Variants in SNRPD3 observed in about 807,000 individuals in gnomAD.
The protein encoded by SNRPD3 is small nuclear ribonucleoprotein Sm D3.
For synonymous variants in SNRPD3, 66 were observed against 58.4 expected, an observed-to-expected ratio of 1.13 and a Z score of -0.59; for missense variants, 73 against 167.5, an observed-to-expected ratio of 0.44 and a Z score of 3.11.
chr22:24,559,691 A>G (rs1415743945), intron 2 of SNRPD3, among the ~76,000 whole-genome samples: 1 of 152,056 alleles, frequency 6.6e-6, no homozygotes, highest in Non-Finnish European at 1.5e-5. Flanking sequence ...CCCTCCTCTA[A>G]ATCAGGGATA....
chr22:24,557,864 G>T, intron 2 of SNRPD3, 64 bp downstream of exon 2: 1 of 1,514,006 alleles, frequency 6.6e-7, no homozygotes, highest in Non-Finnish European at 8.9e-7. Context: ...GGACAGAAAA[G>T]TGTGTGTTGA....
chr22:24,557,073 C>T (rs1395068239), intron 1 of SNRPD3, among the ~76,000 whole-genome samples: 2 of 152,232 alleles, frequency 1.3e-5, no homozygotes, highest in East Asian at 1.9e-4. Flanking sequence ...TGTATCTGCA[C>T]CTTCCATAGG....
chr22:24,572,247 A>T lies in SNRPD3; in HGVS notation c.*270A>T. 1 of 626,634 alleles carries T rather than the reference A, an allele frequency of 1.6e-6. No individual in the cohort carries two copies. Among genetic ancestry groups the T allele is most frequent in the Non-Finnish European group, 2.8e-6 (1 of 356,098 alleles). 38.8% of individuals were successfully genotyped at this position (626,634 alleles called of 1,614,324 possible). On this transcript the variant is annotated 3_prime_UTR_variant, in exon 4 of 4. Transcript: ENST00000215829. ...CCTGGGAGAATGCCAGTACTTTGAA[A>T]TAGCACAGCTATTGATGAGATTTTA...
chr22:24,568,589 G>T (rs1461692162), intron 3 of SNRPD3, among the ~76,000 whole-genome samples: 1 of 149,330 alleles, frequency 6.7e-6, no homozygotes, highest in South Asian at 2.1e-4. Flanking sequence ...ATGGAGTCTC[G>T]CTCTGTCGCC....
chr22:24,566,608 T>G (rs1237339928), intron 2 of SNRPD3, among the ~76,000 whole-genome samples: 6 of 152,190 alleles, frequency 3.9e-5, no homozygotes, highest in Non-Finnish European at 8.8e-5. Flanking sequence ...GGGTGGCCAG[T>G]TAGCACTTGA....
In SNRPD3 at chr22:24,568,196, A is replaced by G. The variant is rs1189803876; in HGVS notation, c.319+20A>G. 2.5e-6 allele frequency: 4 copies of G among 1,582,500 alleles called. No individual in the cohort carries two copies. Among genetic ancestry groups the G allele is most frequent in the Non-Finnish European group, 2.6e-6 (3 of 1,158,994 alleles). ...CCCAAGGTAGGTGCTTTTCATGCAC[A>G]GGTTTTAAAATATAGGTTTGTCTTG... On this transcript the variant is annotated intron_variant, in intron 3 of 3. Coordinates refer to ENST00000215829, the MANE Select transcript of SNRPD3 (RefSeq NM_004175.5).
intron 2 of SNRPD3, 161 bp downstream of exon 2, chr22:24,557,961 G>A: frequency 3.4e-6 from 2 of 581,726 alleles, no homozygotes; most frequent in Non-Finnish European, 5.7e-6. Context: ...CTCTGGGGGT[G>A]TGGGCATGAA....
chr22:24,557,384 G>A (rs1227163009), intron 1 of SNRPD3, among the ~76,000 whole-genome samples: 3 of 152,244 alleles, frequency 2.0e-5, no homozygotes, highest in African/African-American at 7.2e-5. Flanking sequence ...AGGGTAGCGG[G>A]GACACATGAC....
At chr22:24,556,686 A>T (rs1467819878) in intron 1 of SNRPD3, among the ~76,000 whole-genome samples, 4 of 152,100 alleles carry the variant, frequency 2.6e-5, no homozygotes, top group Non-Finnish European at 5.9e-5. Flanking sequence ...CTATCTTTTC[A>T]TTGCGTCATT....
chr22:24,555,944 G>A (rs1259799062), upstream of SNRPD3: 1 of 1,070,058 alleles, frequency 9.3e-7, no homozygotes, highest in Non-Finnish European at 1.3e-6. Flanking sequence ...GGAAGGAGGC[G>A]GGCCCTGCGC....
intron 2 of SNRPD3, chr22:24,558,024 ACT>A (rs2045096997): frequency 2.6e-6 from 1 of 380,440 alleles, no homozygotes; most frequent in Admixed American, 4.8e-5. Flanking sequence ...GGAATATTTT[ACT>A]TTGTCCTTTT....
At chr22:24,561,514 C>T (rs1393706711) in intron 2 of SNRPD3, among the ~76,000 whole-genome samples, 2 of 152,150 alleles carry the variant, frequency 1.3e-5, no homozygotes, top group East Asian at 1.9e-4. Context: ...AACCTAGGCA[C>T]ATTGAATAAG....
rs2045261546 is a variant in SNRPD3, at chr22:24,572,824, A to G, written c.*847A>G. The stretch of plus-strand genomic sequence containing the variant: ...CTTCCTTGGCTCGTATACTGGCTAC[A>G]ACAAGTAGTTTTGTGGTGATTTGTG... On this transcript the variant is annotated 3_prime_UTR_variant, in exon 4 of 4. Coordinates refer to ENST00000215829, the MANE Select transcript of SNRPD3 (RefSeq NM_004175.5). 1 of 152,490 alleles carries G rather than the reference A, an allele frequency of 6.6e-6. No individual in the cohort carries two copies. Among genetic ancestry groups the G allele is most frequent in the Non-Finnish European group, 1.5e-5 (1 of 68,350 alleles). The allele number at this position is 152,490 out of a possible 1,614,324, so 9.4% of individuals were successfully genotyped here.
rs948082248 is a variant in SNRPD3, at chr22:24,566,458, C to T, written c.127-1526C>T. Among the ~76,000 whole-genome samples, 3 of 152,178 alleles carry T rather than the reference C, an allele frequency of 2.0e-5. No homozygotes were observed. In the South Asian group the frequency reaches 6.2e-4, roughly 32 times the overall value. On this transcript the variant is annotated intron_variant, in intron 2 of 3. Coordinates refer to ENST00000215829, the MANE Select transcript of SNRPD3 (RefSeq NM_004175.5). Reference sequence around the variant, plus strand: ...GCTAATTTTTGTAGAGATGAGGTCTCACTGTGTTGCCCAGGCTGGTCTCAA... The same window carrying T: ...GCTAATTTTTGTAGAGATGAGGTCTTACTGTGTTGCCCAGGCTGGTCTCAA...
intron 1 of SNRPD3, 115 bp from the exon 2 acceptor site, chr22:24,557,542 C>G: frequency 8.9e-6 from 6 of 674,476 alleles, no homozygotes; most frequent in African/African-American, 1.9e-5. Flanking sequence ...GAAAATGCAG[C>G]TTTGGTGTTT....
At position 24,557,453 on chromosome 22, in the gene SNRPD3, C is replaced by T. The variant is rs149787765; in HGVS notation, c.-18-204C>T. 1.8e-3 allele frequency among the ~76,000 whole-genome samples: 275 copies of T among 152,150 alleles called. 4 individuals carry two copies. Among genetic ancestry groups the T allele is most frequent in the Admixed American group, 0.016 (237 of 15,290 alleles). ...TACTTCTGTCCATCCCATCATTCCT[C>T]CTCACCCCACATCTTGCACATATTT... On this transcript the variant is annotated intron_variant, in intron 1 of 3. Transcript: ENST00000215829.
rs1173346086 is a variant in SNRPD3 at position 24,561,217 on chromosome 22, T to G, written c.126+3417T>G. On this transcript the variant is annotated intron_variant, in intron 2 of 3. Coordinates refer to ENST00000215829, the MANE Select transcript of SNRPD3 (RefSeq NM_004175.5). ...TCTTCTAAGTATCCAGGACTACCAG[T>G]GTGCCCCACCATACCTGGCTAATTT... Among the ~76,000 whole-genome samples the G allele has an allele frequency of 2.6e-5, 4 of 151,854 alleles. No homozygotes were observed. The East Asian group carries it at 7.7e-4, about 29-fold the overall frequency.
In SNRPD3 at chr22:24,569,654, C is replaced by G. The variant is rs550327356; in HGVS notation, c.319+1478C>G. Reference sequence around the variant, plus strand: ...CCCACAAGACAGCCCCTGCACCCCCCACTATTATTCATAAGCACAGGCCTC... The same window carrying G: ...CCCACAAGACAGCCCCTGCACCCCCGACTATTATTCATAAGCACAGGCCTC... On this transcript the variant is annotated intron_variant, in intron 3 of 3. Transcript: ENST00000215829. Among the ~76,000 whole-genome samples the G allele has an allele frequency of 7.2e-5, 11 of 152,296 alleles. No homozygotes were observed. In the South Asian group the frequency reaches 2.1e-3, roughly 29 times the overall value.
At chr22:24,567,758 G>T (rs562043291) in intron 2 of SNRPD3, among the ~76,000 whole-genome samples, 14 of 65,842 alleles carry the variant, frequency 2.1e-4, no homozygotes, top group Non-Finnish European at 6.0e-4. Flanking sequence ...AAAAAAAAAG[G>T]GGGGGAGCAC....
Sources: gnomAD v4.1 joint callset for allele counts (sites outside exome capture counted in the v4.1 genomes callset) on GRCh38, gnomAD v4.1.1 for gene constraint, MANE v1.5 for transcripts, NCBI Gene and HGNC (gene_info 2026-07-23, HGNC 2026-07-21) for gene names.